MSX1: variants seen among roughly 807,000 people sequenced by gnomAD.
MSX1 encodes the protein homeobox protein MSX-1.
A neutral mutation model predicts 17.0 loss-of-function variants in MSX1; 11 were observed. The observed-to-expected ratio is 0.65, with a 90% CI of 0.41 to 1.07. The LOEUF (loss-of-function observed/expected upper bound fraction) is 1.07, where lower values mean the gene tolerates loss of function less well. Ranked by LOEUF, MSX1 falls within the 50% of genes least tolerant of loss-of-function variation. The pLI is 0.00. For missense variants in MSX1, 477 were observed against 440.1 expected (o/e 1.08, Z -0.75); for synonymous variants, 253 against 211.8 (o/e 1.19, Z -1.69).
At position 4,859,981 on chromosome 4, in the gene MSX1, G is replaced by A; in HGVS notation, c.82G>A (p.Gly28Ser). Residue 28 changes from glycine to serine, a missense_variant, in exon 1 of 2, where the codon GGC becomes AGC. Physicochemically the swap from Gly to Ser is moderately conservative, Grantham distance 56 (BLOSUM62 0). Coordinates refer to ENST00000382723, the MANE Select transcript of MSX1 (RefSeq NM_002448.3). ...DSAFGKPAGGGAGQAPSAAAA... is the reference protein window; with the variant it reads ...DSAFGKPAGGSAGQAPSAAAA... The stretch of plus-strand genomic sequence containing the variant: ...CGCCTTCGGCAAGCCGGCGGGGGGA[G>A]GCGCGGGCCAGGCCCCCAGCGCCGC... 6.7e-7 allele frequency: 1 copy of A among 1,488,540 alleles called. No homozygotes were observed. The highest frequency in any genetic ancestry group is 1.3e-5 in the South Asian group (1 of 76,156). The allele number at this position is 1,488,540 out of a possible 1,614,324, so 92.2% of individuals were successfully genotyped here. A position where few individuals can be genotyped will look rare whatever the true frequency, so the allele number is the denominator to read the frequency against.
intron 1 of MSX1, 140 bp from the exon 2 acceptor site, chr4:4,862,561 C>A: frequency 1.0e-6 from 1 of 982,190 alleles, no homozygotes; most frequent in Non-Finnish European, 1.6e-6. Context: ...ATTTCAAGTG[C>A]CTTGCGCGAT....
At chr4:4,862,158 G>A (rs1055223270) in intron 1 of MSX1, among the ~76,000 whole-genome samples, 9 of 152,234 alleles carry the variant, frequency 5.9e-5, no homozygotes, top group East Asian at 1.9e-4. Context: ...GAAGTGTTCC[G>A]GGGAAAGTGT....
intron 1 of MSX1, among the ~76,000 whole-genome samples, chr4:4,862,018 C>A (rs3775261): frequency 0.3 from 45,977 of 151,892 alleles, 7,609 homozygotes; most frequent in East Asian, 0.6. Context: ...TAGAATAAAG[C>A]AGCCCCTCGT....
Position 4,859,686 on chromosome 4 carries a change from C to G in MSX1, c.-214C>G, listed in dbSNP as rs1737858663. Reference sequence around the variant, plus strand: ...CGGTAGGGCCCGGAGCCGGCGAGTGCTCCCGGGAACTCTGCCTGCGCGGCG... The same window carrying G: ...CGGTAGGGCCCGGAGCCGGCGAGTGGTCCCGGGAACTCTGCCTGCGCGGCG... On this transcript the variant is annotated 5_prime_UTR_variant, in exon 1 of 2. Coordinates refer to ENST00000382723, the MANE Select transcript of MSX1 (RefSeq NM_002448.3). 1 of 198,960 alleles carries G rather than the reference C, an allele frequency of 5.0e-6. No individual in the cohort carries two copies. Among genetic ancestry groups the G allele is most frequent in the Non-Finnish European group, 9.8e-6 (1 of 101,776 alleles). 12.3% of individuals were successfully genotyped at this position (198,960 alleles called of 1,614,324 possible). A position where few individuals can be genotyped will look rare whatever the true frequency, so the allele number is the denominator to read the frequency against.
chr4:4,861,282 T>A (rs974412591), intron 1 of MSX1, among the ~76,000 whole-genome samples: 1 of 152,258 alleles, frequency 6.6e-6, no homozygotes. Flanking sequence ...CCGCTCTGGG[T>A]TGTCGCCGCT....
At chr4:4,861,551 C>T (rs1737916080) in intron 1 of MSX1, among the ~76,000 whole-genome samples, 1 of 152,222 alleles carries the variant, frequency 6.6e-6, no homozygotes. Context: ...TTAGGCAAAA[C>T]CCGCGTGGTG....
At position 4,862,780 on chromosome 4, in the gene MSX1, G is replaced by A. The variant is rs2108778615; in HGVS notation, c.549G>A (p.Gln183=). The A allele has an allele frequency of 1.2e-6, 2 of 1,613,522 alleles. No individual in the cohort carries two copies. The highest frequency in any genetic ancestry group is 1.7e-6 in the Non-Finnish European group (2 of 1,179,994). ...RKPRTPFTTA[Q]LLALERKFRQ... ...CGCGGACGCCCTTCACCACCGCGCA[G>A]CTGCTGGCGCTGGAGCGCAAGTTCC... The change falls in exon 2 of 2, where the codon CAG becomes CAA. Residue 183 remains glutamine (Q), a synonymous_variant. Coordinates refer to ENST00000382723, the MANE Select transcript of MSX1 (RefSeq NM_002448.3).
rs567549350 is a variant in MSX1, at chr4:4,859,976, G to C, written c.77G>C (p.Gly26Ala). ...VEDSAFGKPA[G>A]GGAGQAPSAA... ...GACTCCGCCTTCGGCAAGCCGGCGG[G>C]GGGAGGCGCGGGCCAGGCCCCCAGC... Residue 26 changes from glycine to alanine, a missense_variant, in exon 1 of 2, where the codon GGG becomes GCG. Transcript: ENST00000382723. 289 of 1,488,566 alleles carry C rather than the reference G, an allele frequency of 1.9e-4. No individual in the cohort carries two copies. Among genetic ancestry groups the C allele is most frequent in the Middle Eastern group, 1.8e-3 (8 of 4,502 alleles). The allele number at this position is 1,488,566 out of a possible 1,614,324, so 92.2% of individuals were successfully genotyped here.
chr4:4,863,118 G>A lies in MSX1; in HGVS notation c.887G>A (p.Gly296Asp), dbSNP rs1335451480. ...APVGLYTAHV[G>D]YSMYHLT ...GTGGGACTCTACACGGCCCATGTGGGCTACAGCATGTACCACCTGACATAG... is the reference window on the plus strand; with the variant it reads ...GTGGGACTCTACACGGCCCATGTGGACTACAGCATGTACCACCTGACATAG... Residue 296 changes from glycine (G) to aspartate (D), a missense_variant, in exon 2 of 2, where the codon GGC becomes GAC. Physicochemically the swap from Gly to Asp is moderately conservative, Grantham distance 94 (BLOSUM62 -1). Around this residue, in one of 3 missense-constraint regions of MSX1, gnomAD observed 114 missense variants for 106.3 expected, o/e 1.07. Coordinates refer to ENST00000382723, the MANE Select transcript of MSX1 (RefSeq NM_002448.3). 1.2e-6 allele frequency: 2 copies of A among 1,607,712 alleles called. No homozygotes were observed. The highest frequency in any genetic ancestry group is 2.7e-5 in the African/African-American group (2 of 74,910).
intron 1 of MSX1, among the ~76,000 whole-genome samples, chr4:4,861,076 A>G (rs1737906600): frequency 6.6e-6 from 1 of 152,246 alleles, no homozygotes; most frequent in Non-Finnish European, 1.5e-5. Flanking sequence ...TGGCTGCTCT[A>G]CTCAGAGAAC....
chr4:4,861,478 T>C (rs1737915036), intron 1 of MSX1, among the ~76,000 whole-genome samples: 1 of 151,688 alleles, frequency 6.6e-6, no homozygotes, highest in South Asian at 2.1e-4. Context: ...GTTTTCTTTG[T>C]TTTGTTTTGT....
At position 4,859,959 on chromosome 4, in the gene MSX1, C is replaced by T. The variant is rs1737866497; in HGVS notation, c.60C>T (p.Ala20=). The T allele has an allele frequency of 2.0e-6, 3 of 1,494,168 alleles. No individual in the cohort carries two copies. Among genetic ancestry groups the T allele is most frequent in the Non-Finnish European group, 2.7e-6 (3 of 1,122,460 alleles). 92.6% of individuals were successfully genotyped at this position (1,494,168 alleles called of 1,614,324 possible). A position where few individuals can be genotyped will look rare whatever the true frequency, so the allele number is the denominator to read the frequency against. Residue 20 remains alanine (A), a synonymous_variant, in exon 1 of 2, where the codon GCC becomes GCT. Coordinates refer to ENST00000382723, the MANE Select transcript of MSX1 (RefSeq NM_002448.3). ...TCGGTGTCAAAGTGGAGGACTCCGC[C>T]TTCGGCAAGCCGGCGGGGGGAGGCG... is the stretch of plus-strand genomic sequence containing the variant. ...LPLGVKVEDS[A]FGKPAGGGAG...
Position 4,860,364 on chromosome 4 carries a change from G to A in MSX1, c.465G>A (p.Pro155=). The A allele has an allele frequency of 6.2e-7, 1 of 1,603,574 alleles. No individual in the cohort carries two copies. The highest frequency in any genetic ancestry group is 8.5e-7 in the Non-Finnish European group (1 of 1,179,284). ...AGAGCCCCCGCTTCTCCCCGCCGCC[G>A]GCCAGTGAGTAGCCAGAACCCAGGC... ...WMQSPRFSPP[P]ARRLSPPACT... is the part of the protein sequence containing the mutation. The change falls in exon 1 of 2, where the codon CCG becomes CCA. Residue 155 remains proline (P), a synonymous_variant. Transcript: ENST00000382723.
chr4:4,859,755 T>A lies in MSX1; in HGVS notation c.-145T>A. 2.2e-6 allele frequency: 1 copy of A among 458,002 alleles called. No homozygotes were observed. Among genetic ancestry groups the A allele is most frequent in the Non-Finnish European group, 3.1e-6 (1 of 319,250 alleles). 28.4% of individuals were successfully genotyped at this position (458,002 alleles called of 1,614,324 possible). A position where few individuals can be genotyped will look rare whatever the true frequency, so the allele number is the denominator to read the frequency against. On this transcript the variant is annotated 5_prime_UTR_variant, in exon 1 of 2. Coordinates refer to ENST00000382723, the MANE Select transcript of MSX1 (RefSeq NM_002448.3). ...GCCCAGCACGCCGGAGCTGGCCTGC[T>A]GGGGAGGGGCGGGAGGCGCGCGCGG...
At position 4,860,333 on chromosome 4, in the gene MSX1, G is replaced by T; in HGVS notation, c.434G>T (p.Trp145Leu). ...CCCGAGAAGCCCGAGAGGACCCCGT[G>T]GATGCAGAGCCCCCGCTTCTCCCCG... ...ESPEKPERTP[W>L]MQSPRFSPPP... The change falls in exon 1 of 2, where the codon TGG (tryptophan) becomes TTG (leucine). Residue 145 changes from tryptophan (W) to leucine (L), a missense_variant. Trp to Leu is a moderately conservative substitution (Grantham distance 61, BLOSUM62 -2). Transcript: ENST00000382723. 6.2e-7 allele frequency: 1 copy of T among 1,604,852 alleles called. No homozygotes were observed.
chr4:4,861,671 C>T (rs1737918972), intron 1 of MSX1, among the ~76,000 whole-genome samples: 1 of 152,258 alleles, frequency 6.6e-6, no homozygotes, highest in African/African-American at 2.4e-5. Flanking sequence ...TCAAAGCGAT[C>T]CCGGCTGTGT....
Position 4,863,208 on chromosome 4 carries a change from G to T in MSX1, c.*65G>T. 2 of 1,500,866 alleles carry T rather than the reference G, an allele frequency of 1.3e-6. No homozygotes were observed. The highest frequency in any genetic ancestry group is 9.0e-7 in the Non-Finnish European group (1 of 1,113,432). The allele number at this position is 1,500,866 out of a possible 1,614,324, so 93.0% of individuals were successfully genotyped here. A position where few individuals can be genotyped will look rare whatever the true frequency, so the allele number is the denominator to read the frequency against. Reference sequence around the variant, plus strand: ...CCAGCCCTGGTGCTGTACCCCCGACGTGCTCCCCTGCTCGGCACCGCCAGC... The same window carrying T: ...CCAGCCCTGGTGCTGTACCCCCGACTTGCTCCCCTGCTCGGCACCGCCAGC... On this transcript the variant is annotated 3_prime_UTR_variant, in exon 2 of 2. Coordinates refer to ENST00000382723, the MANE Select transcript of MSX1 (RefSeq NM_002448.3).
Position 4,862,685 on chromosome 4 carries a change from TTC to T in MSX1, c.470-14_470-13del. ...TCTCTCTTAACCCCTTGCTTTTTTTTTCTTTCGGCCCTCAGGGCGGCTGAGCC... is the reference window on the plus strand; with the variant it reads ...TCTCTCTTAACCCCTTGCTTTTTTTTTTTCGGCCCTCAGGGCGGCTGAGCC... On this transcript the variant is annotated splice_polypyrimidine_tract_variant and intron_variant, in intron 1 of 1. Transcript: ENST00000382723. 1 of 1,610,666 alleles carries T rather than the reference TTC, an allele frequency of 6.2e-7. No individual in the cohort carries two copies. The highest frequency in any genetic ancestry group is 8.5e-7 in the Non-Finnish European group (1 of 1,179,944).
rs1737876640 is a variant in MSX1, at chr4:4,860,181, G to A, written c.282G>A (p.Gln94=). ...TGCAGGCGGCGGGTGGCTCGGCGCA[G>A]CCACTGGGCGTCCCGCCGGGGTCGC... is the stretch of plus-strand genomic sequence containing the variant. ...EGVQAAGGSA[Q]PLGVPPGSLG... Residue 94 remains glutamine (Q), a synonymous_variant, in exon 1 of 2, where the codon CAG becomes CAA. Coordinates refer to ENST00000382723, the MANE Select transcript of MSX1 (RefSeq NM_002448.3). 2 of 1,513,550 alleles carry A rather than the reference G, an allele frequency of 1.3e-6. No individual in the cohort carries two copies. Among genetic ancestry groups the A allele is most frequent in the Non-Finnish European group, 1.8e-6 (2 of 1,137,588 alleles). The allele number at this position is 1,513,550 out of a possible 1,614,324, so 93.8% of individuals were successfully genotyped here.
Sources: gnomAD v4.1 joint callset for allele counts (sites outside exome capture counted in the v4.1 genomes callset) on GRCh38, gnomAD v4.1.1 for gene constraint, gnomAD v4.1.1 regional missense constraint, MANE v1.5 for transcripts, NCBI Gene and HGNC (gene_info 2026-07-23, HGNC 2026-07-21) for gene names.